USP4: variants seen among roughly 807,000 people sequenced by gnomAD.
USP4 encodes the protein ubiquitin specific peptidase 4.
In USP4, 72 loss-of-function variants were observed where a neutral mutation model predicts 118.2. That is an observed-to-expected ratio of 0.61 (90% CI 0.50 to 0.74). The LOEUF (loss-of-function observed/expected upper bound fraction) is 0.74. USP4 is among the 30% of genes least tolerant of loss of function. The pLI, the probability that USP4 is intolerant of heterozygous loss-of-function variation, is 0.00. For synonymous variants in USP4, 415 were observed against 440.4 expected, an observed-to-expected ratio of 0.94 and a Z score of 0.72; for missense variants, 1,037 against 1,185.7, an observed-to-expected ratio of 0.87 and a Z score of 1.84.
At chr3:49,325,412 G>A (rs920672171) in intron 4 of USP4, among the ~76,000 whole-genome samples, 1 of 151,992 alleles carries the variant, frequency 6.6e-6, no homozygotes, top group Admixed American at 6.6e-5. Flanking sequence ...CTGCAGTGCA[G>A]TGGTGGGATC....
At chr3:49,327,577 A>G (rs1559479893) in intron 3 of USP4, 109 bp downstream of exon 3, 1 of 1,207,282 alleles carries the variant, frequency 8.3e-7, no homozygotes, top group Non-Finnish European at 1.2e-6. Context: ...CTCAAGCACC[A>G]CTATTCAACC....
At chr3:49,279,836 G>A (rs1012122609) in intron 20 of USP4, among the ~76,000 whole-genome samples, 2 of 152,174 alleles carry the variant, frequency 1.3e-5, no homozygotes, top group Non-Finnish European at 2.9e-5. Flanking sequence ...AGCAACGGTG[G>A]CTTTCAATTT....
At chr3:49,310,510 C>T in intron 8 of USP4, 110 bp downstream of exon 8, 1 of 904,304 alleles carries the variant, frequency 1.1e-6, no homozygotes, top group East Asian at 2.4e-5. Flanking sequence ...GAAGCACCAA[C>T]AAGGGGTAGG....
At chr3:49,299,030 C>A (rs2047237313) in intron 11 of USP4, among the ~76,000 whole-genome samples, 2 of 152,198 alleles carry the variant, frequency 1.3e-5, no homozygotes, top group Admixed American at 6.5e-5. Context: ...GCCTCAGCAT[C>A]CCAAAGTGCT....
intron 16 of USP4, 120 bp downstream of exon 16, chr3:49,285,978 T>C (rs2047086904): frequency 2.2e-6 from 2 of 911,928 alleles, no homozygotes; most frequent in Non-Finnish European, 3.4e-6. Context: ...GTCATACAAG[T>C]GCTGCTCCTG....
chr3:49,327,857 C>A, intron 2 of USP4, 41 bp from the exon 3 acceptor site: 3 of 1,567,368 alleles, frequency 1.9e-6, no homozygotes, highest in Non-Finnish European at 2.6e-6. Flanking sequence ...GCTCTTTACC[C>A]CAGAAATGAT....
intron 6 of USP4, among the ~76,000 whole-genome samples, chr3:49,323,182 GTCTCAAAC>G (rs1435348295): frequency 1.3e-5 from 2 of 150,034 alleles, no homozygotes; most frequent in South Asian, 2.1e-4. Flanking sequence ...GGTCAGGCTG[GTCTCAAAC>G]TCTCAACCTC....
intron 15 of USP4, among the ~76,000 whole-genome samples, chr3:49,290,991 C>T (rs778151018): frequency 1.3e-5 from 2 of 150,826 alleles, no homozygotes; most frequent in East Asian, 2.0e-4. Context: ...TTTTTGGAGA[C>T]GGAGTCTCAA....
chr3:49,305,943 C>T, intron 8 of USP4, 55 bp from the exon 9 acceptor site: 1 of 1,485,670 alleles, frequency 6.7e-7, no homozygotes, highest in Non-Finnish European at 9.0e-7. Context: ...ACCAGAGATA[C>T]AAGATAAATC....
At chr3:49,295,093 T>C (rs1316007881) in intron 13 of USP4, among the ~76,000 whole-genome samples, 7 of 151,886 alleles carry the variant, frequency 4.6e-5, no homozygotes, top group Admixed American at 3.9e-4. Flanking sequence ...ATTGAGACCA[T>C]CCTGGCTAAC....
chr3:49,318,470 C>T (rs1475296957), intron 6 of USP4: 1 of 985,210 alleles, frequency 1.0e-6, no homozygotes, highest in African/African-American at 1.7e-5. Flanking sequence ...AAGAGAGAAA[C>T]AGATGGAAAG....
At chr3:49,282,717 C>A (rs1231324860) in intron 19 of USP4, among the ~76,000 whole-genome samples, 1 of 149,198 alleles carries the variant, frequency 6.7e-6, no homozygotes, top group African/African-American at 2.5e-5. Flanking sequence ...TTTTTTTTTT[C>A]TTTTTTTGGA....
intron 19 of USP4, among the ~76,000 whole-genome samples, chr3:49,283,538 C>T (rs568344850): frequency 2.6e-5 from 4 of 152,100 alleles, no homozygotes; most frequent in Non-Finnish European, 2.9e-5. Context: ...AGTAGACAGC[C>T]AGTCCCAATC....
At chr3:49,331,950 C>T (rs6809204) in intron 2 of USP4, among the ~76,000 whole-genome samples, 115,988 of 146,400 alleles carry the variant, frequency 0.79, 46,225 homozygotes, top group East Asian at 0.99. Context: ...CCGGGCAACA[C>T]GGCAAAATCC....
intron 6 of USP4, among the ~76,000 whole-genome samples, chr3:49,319,144 A>G (rs73086105): frequency 0.12 from 17,940 of 146,640 alleles, 1,159 homozygotes; most frequent in Non-Finnish European, 0.13. Context: ...TGCATCTCAA[A>G]AAAAAAAAAA....
chr3:49,299,182 C>T (rs562767829), intron 11 of USP4, among the ~76,000 whole-genome samples: 2 of 152,178 alleles, frequency 1.3e-5, no homozygotes, highest in East Asian at 1.9e-4. Flanking sequence ...CTCCACCTCC[C>T]GGGTTCAAGC....
chr3:49,306,110 C>T (rs2047313119), intron 8 of USP4, among the ~76,000 whole-genome samples: 2 of 150,908 alleles, frequency 1.3e-5, no homozygotes, highest in Non-Finnish European at 2.9e-5. Context: ...TAGAGGACCG[C>T]ATATGCATTG....
chr3:49,323,991 A>G (rs2047526328), intron 6 of USP4, among the ~76,000 whole-genome samples: 1 of 151,808 alleles, frequency 6.6e-6, no homozygotes, highest in Admixed American at 6.6e-5. Flanking sequence ...TCAAGCTATC[A>G]CTTTTTTTTT....
chr3:49,321,799 G>A (rs988984973), intron 6 of USP4, among the ~76,000 whole-genome samples: 2 of 151,852 alleles, frequency 1.3e-5, no homozygotes, highest in African/African-American at 4.8e-5. Flanking sequence ...TTCGAGACCA[G>A]CCTGGCCAAC....
Sources: gnomAD v4.1 joint callset for allele counts (sites outside exome capture counted in the v4.1 genomes callset) on GRCh38, gnomAD v4.1.1 for gene constraint, MANE v1.5 for transcripts, NCBI Gene and HGNC (gene_info 2026-07-23, HGNC 2026-07-21) for gene names.